SIRPB2: variants seen among roughly 807,000 people sequenced by gnomAD.
The protein encoded by SIRPB2 is signal-regulatory protein beta-2.
In SIRPB2, 18 loss-of-function variants were observed where a neutral mutation model predicts 27.1. The observed-to-expected ratio is 0.66, with a 90% CI of 0.46 to 0.98. SIRPB2 has a LOEUF of 0.98. Among genes scored for constraint, SIRPB2 ranks in the 50% least tolerant of loss-of-function variants. The pLI, the probability that SIRPB2 is intolerant of heterozygous loss-of-function variation, is 0.00. For missense variants in SIRPB2, 420 were observed against 417.4 expected (o/e 1.01, Z -0.06); for synonymous variants, 150 against 164.6 (o/e 0.91, Z 0.68).
At chr20:1,483,423 T>C (rs1410961583) in intron 1 of SIRPB2, among the ~76,000 whole-genome samples, 2 of 152,190 alleles carry the variant, frequency 1.3e-5, no homozygotes, top group Non-Finnish European at 2.9e-5. Context: ...TGGGTCTTTT[T>C]AACAATAGCC....
chr20:1,478,493 C>G lies in SIRPB2; in HGVS notation c.566G>C (p.Gly189Ala). ...NCTVLGDGPP[G>A]PIRWFQGAGL... ...AGCTCCCTGGAACCACCTGATGGGT[C>G]CAGGGGGACCGTCTCCAAGCACTGT... The change falls in exon 3 of 5, where the codon GGA becomes GCA. Residue 189 changes from glycine (G) to alanine (A), a missense_variant. Coordinates refer to ENST00000359801, the MANE Select transcript of SIRPB2 (RefSeq NM_001122962.2). 1 of 1,614,122 alleles carries G rather than the reference C, an allele frequency of 6.2e-7. No homozygotes were observed. Among genetic ancestry groups the G allele is most frequent in the Non-Finnish European group, 8.5e-7 (1 of 1,180,028 alleles).
In SIRPB2 at chr20:1,475,355, A is replaced by G. The variant is rs941499611; in HGVS notation, c.*812T>C. On this transcript the variant is annotated 3_prime_UTR_variant, in exon 5 of 5. Coordinates refer to ENST00000359801, the MANE Select transcript of SIRPB2 (RefSeq NM_001122962.2). The stretch of plus-strand genomic sequence containing the variant: ...ACTTGCAGCTGGGCGCATTGCTGCC[A>G]GAAATAAAGACTACATCTCCCAGTG... The G allele has an allele frequency of 5.9e-5, 9 of 152,258 alleles. No individual in the cohort carries two copies. Among genetic ancestry groups the G allele is most frequent in the African/African-American group, 2.2e-4 (9 of 41,458 alleles). 9.4% of individuals were successfully genotyped at this position (152,258 alleles called of 1,614,324 possible).
chr20:1,482,243 T>C (rs577182730), intron 1 of SIRPB2, among the ~76,000 whole-genome samples: 1 of 152,312 alleles, frequency 6.6e-6, no homozygotes, highest in Non-Finnish European at 1.5e-5. Flanking sequence ...TTGGGTACAT[T>C]GCAGGTCCTC....
At chr20:1,485,903 C>G (rs1346104520) in intron 1 of SIRPB2, among the ~76,000 whole-genome samples, 1 of 151,818 alleles carries the variant, frequency 6.6e-6, no homozygotes, top group Non-Finnish European at 1.5e-5. Flanking sequence ...TGAACAAATT[C>G]CTTGAAAAAG....
chr20:1,476,395 C>A, intron 4 of SIRPB2, 59 bp from the exon 5 acceptor site: 1 of 1,531,770 alleles, frequency 6.5e-7, no homozygotes, highest in Non-Finnish European at 8.8e-7. Flanking sequence ...ACAGCCCACG[C>A]CTCATTGCTG....
intron 4 of SIRPB2, 120 bp from the exon 5 acceptor site, chr20:1,476,456 C>A: frequency 1.9e-6 from 2 of 1,077,654 alleles, no homozygotes; most frequent in South Asian, 3.6e-5. Flanking sequence ...GAGCTGTATC[C>A]TTTCTACATT....
Position 1,476,109 on chromosome 20 carries a change from G to T in SIRPB2, c.*58C>A. 1 of 1,582,088 alleles carries T rather than the reference G, an allele frequency of 6.3e-7. No homozygotes were observed. Among genetic ancestry groups the T allele is most frequent in the Non-Finnish European group, 8.6e-7 (1 of 1,166,252 alleles). ...AGGCTGGGACTGGAGGTAGGGAAAT[G>T]GTTGAGGAGCCCTGGCTCCTCTCCA... On this transcript the variant is annotated 3_prime_UTR_variant, in exon 5 of 5. Transcript: ENST00000359801.
At chr20:1,484,128 A>G (rs6135068) in intron 1 of SIRPB2, among the ~76,000 whole-genome samples, 22,247 of 152,280 alleles carry the variant, frequency 0.15, 2,981 homozygotes, top group East Asian at 0.74. Context: ...TGGTGCTGGA[A>G]AAACTGGATA....
intron 1 of SIRPB2, among the ~76,000 whole-genome samples, chr20:1,490,680 C>A (rs967337847): frequency 6.6e-6 from 1 of 152,042 alleles, no homozygotes; most frequent in African/African-American, 2.4e-5. Context: ...AAAACTGAGG[C>A]TCAGAAAGAA....
intron 1 of SIRPB2, among the ~76,000 whole-genome samples, chr20:1,482,819 A>T (rs146881172): frequency 2.8e-4 from 43 of 151,816 alleles, no homozygotes; most frequent in African/African-American, 1.0e-3. Flanking sequence ...GCTTGGGGAC[A>T]CTATATATAT....
intron 1 of SIRPB2, among the ~76,000 whole-genome samples, chr20:1,483,721 C>G (rs2090696429): frequency 6.6e-6 from 1 of 152,106 alleles, no homozygotes; most frequent in Admixed American, 6.5e-5. Flanking sequence ...TCTCTTCACT[C>G]TTTTGATTAT....
chr20:1,471,106 A>T (rs2090580105), downstream of SIRPB2: 1 of 152,266 alleles, frequency 6.6e-6, no homozygotes, highest in Non-Finnish European at 1.5e-5. Flanking sequence ...TTCCAAGCAG[A>T]CAAGAACTGA....
chr20:1,483,694 T>C (rs2090696245), intron 1 of SIRPB2, among the ~76,000 whole-genome samples: 1 of 152,226 alleles, frequency 6.6e-6, no homozygotes. Context: ...GAATATTATC[T>C]CTCATTCAGG....
chr20:1,487,815 G>A lies in SIRPB2; in HGVS notation c.85+3460C>T, dbSNP rs192474570. ...TCCTAACTATAATTATTTGATATTT[G>A]ACAAAGGTGCAAAGACAATTCAATG... On this transcript the variant is annotated intron_variant, in intron 1 of 4. Coordinates refer to ENST00000359801, the MANE Select transcript of SIRPB2 (RefSeq NM_001122962.2). Among the ~76,000 whole-genome samples the A allele has an allele frequency of 9.8e-5, 15 of 152,294 alleles. No homozygotes were observed. In the East Asian group the frequency reaches 2.9e-3, roughly 29 times the overall value.
At chr20:1,478,894 G>A (rs1008384797) in intron 2 of SIRPB2, among the ~76,000 whole-genome samples, 8 of 152,186 alleles carry the variant, frequency 5.3e-5, no homozygotes, top group Non-Finnish European at 1.5e-5. Context: ...ATTGCCCAGA[G>A]GCGGAAACCC....
At chr20:1,473,157 A>C (rs1414447941), downstream of SIRPB2, 1 of 152,060 alleles carries the variant, frequency 6.6e-6, no homozygotes, top group Non-Finnish European at 1.5e-5. Flanking sequence ...TCTCGGGAGG[A>C]GGTAAGCTCT....
intron 4 of SIRPB2, chr20:1,476,707 C>G: frequency 9.5e-7 from 1 of 1,048,278 alleles, no homozygotes. Context: ...AAAGAAGTCA[C>G]GGGACCCAGG....
chr20:1,483,072 A>G (rs1453610405), intron 1 of SIRPB2, among the ~76,000 whole-genome samples: 1 of 151,430 alleles, frequency 6.6e-6, no homozygotes, highest in Non-Finnish European at 1.5e-5. Context: ...TCCCACCAAT[A>G]GTGTATAAGA....
intron 1 of SIRPB2, among the ~76,000 whole-genome samples, chr20:1,482,522 C>CCTTT (rs376628135): frequency 1.3e-5 from 2 of 151,786 alleles, no homozygotes; most frequent in East Asian, 1.9e-4. Context: ...CTCCTTCCTT[C>CCTTT]CTTTCTTTCT....
Sources: allele counts gnomAD v4.1 joint callset (sites outside exome capture counted in the v4.1 genomes callset), GRCh38; gene constraint gnomAD v4.1.1; transcripts MANE v1.5; gene names NCBI Gene and HGNC (gene_info 2026-07-23, HGNC 2026-07-21).